MPP7: variants seen among roughly 807,000 people sequenced by gnomAD.
MPP7 encodes the protein MAGUK p55 scaffold protein 7, also known as MAGUK p55 subfamily member 7.
In MPP7, 60 loss-of-function variants were observed where a neutral mutation model predicts 76.5. That is an observed-to-expected ratio of 0.78 (90% CI 0.64 to 0.97). The LOEUF (loss-of-function observed/expected upper bound fraction) is 0.97, where lower values mean the gene tolerates loss of function less well. Among genes scored for constraint, MPP7 ranks in the 50% least tolerant of loss-of-function variants. MPP7 has a pLI of 0.00. For missense variants in MPP7, 641 were observed against 694.0 expected (o/e 0.92, Z 0.86); for synonymous variants, 237 against 244.5 (o/e 0.97, Z 0.29).
intron 5 of MPP7, among the ~76,000 whole-genome samples, chr10:28,139,718 T>C (rs1835452892): frequency 6.6e-6 from 1 of 152,226 alleles, no homozygotes; most frequent in South Asian, 2.1e-4. Flanking sequence ...AGACTTCGTA[T>C]TGTTGGCTTA....
intron 13 of MPP7, among the ~76,000 whole-genome samples, chr10:28,063,661 G>A (rs544210880): frequency 8.7e-4 from 132 of 152,070 alleles, no homozygotes; most frequent in Non-Finnish European, 1.7e-3. Context: ...TGCACAAACC[G>A]AATTGTGGAC....
intron 13 of MPP7, among the ~76,000 whole-genome samples, chr10:28,062,168 T>A (rs1311319812): frequency 2.6e-5 from 4 of 152,180 alleles, no homozygotes; most frequent in Non-Finnish European, 5.9e-5. Flanking sequence ...TAATATTGTC[T>A]GATAGTTTTC....
chr10:28,141,890 T>C (rs1323979763), intron 5 of MPP7, among the ~76,000 whole-genome samples: 2 of 151,900 alleles, frequency 1.3e-5, no homozygotes, highest in African/African-American at 4.8e-5. Context: ...ATAACCAAAT[T>C]AACAGCAATC....
At chr10:28,083,700 G>A (rs994792080) in intron 12 of MPP7, among the ~76,000 whole-genome samples, 1 of 151,844 alleles carries the variant, frequency 6.6e-6, no homozygotes, top group Non-Finnish European at 1.5e-5. Flanking sequence ...ACCACACCTG[G>A]CTAATTTTTG....
intron 12 of MPP7, among the ~76,000 whole-genome samples, chr10:28,074,066 C>T (rs1852368353): frequency 6.6e-6 from 1 of 152,140 alleles, no homozygotes; most frequent in African/African-American, 2.4e-5. Flanking sequence ...CAGATAGAGG[C>T]ACCATGAGGG....
At chr10:28,328,373 G>A (rs1190281825) in intron 2 of MPP7, among the ~76,000 whole-genome samples, 2 of 152,048 alleles carry the variant, frequency 1.3e-5, no homozygotes, top group Admixed American at 6.6e-5. Flanking sequence ...ATATGGCAAG[G>A]ATGAGATTAA....
At chr10:28,096,088 A>G (rs1476982671) in intron 11 of MPP7, among the ~76,000 whole-genome samples, 1 of 152,338 alleles carries the variant, frequency 6.6e-6, no homozygotes, top group South Asian at 2.1e-4. Context: ...CTTTGGTGAA[A>G]GTTAAAAATT....
At chr10:28,232,492 A>G (rs1838922068) in intron 2 of MPP7, among the ~76,000 whole-genome samples, 1 of 152,222 alleles carries the variant, frequency 6.6e-6, no homozygotes, top group Non-Finnish European at 1.5e-5. Flanking sequence ...CCAAAAATAT[A>G]GAAGAAAAAG....
intron 8 of MPP7, 137 bp downstream of exon 8, chr10:28,123,894 G>C: frequency 3.2e-6 from 2 of 620,254 alleles, no homozygotes; most frequent in Non-Finnish European, 5.7e-6. Flanking sequence ...TATTTTCCAA[G>C]AACACACAGG....
At chr10:28,103,066 T>C (rs544752498) in intron 11 of MPP7, among the ~76,000 whole-genome samples, 5 of 152,342 alleles carry the variant, frequency 3.3e-5, no homozygotes, top group African/African-American at 1.2e-4. Context: ...TCTTGACCCA[T>C]CTTTAGGGCC....
intron 11 of MPP7, among the ~76,000 whole-genome samples, chr10:28,103,853 G>A (rs1294921151): frequency 6.6e-6 from 1 of 152,106 alleles, no homozygotes; most frequent in Non-Finnish European, 1.5e-5. Flanking sequence ...GAAGCCATAG[G>A]AATGGGGAGG....
chr10:28,165,333 G>GT (rs2133840326), intron 3 of MPP7, among the ~76,000 whole-genome samples: 1 of 152,192 alleles, frequency 6.6e-6, no homozygotes, highest in South Asian at 2.1e-4. Context: ...ATCAGCCTGG[G>GT]TAACAGAGTG....
chr10:28,099,182 A>G (rs998129714), intron 11 of MPP7, among the ~76,000 whole-genome samples: 4 of 152,168 alleles, frequency 2.6e-5, no homozygotes, highest in African/African-American at 7.2e-5. Context: ...AGCAAAGTCA[A>G]GATAACTCAC....
chr10:28,246,261 A>C (rs1167975818), intron 1 of MPP7, among the ~76,000 whole-genome samples: 1 of 152,208 alleles, frequency 6.6e-6, no homozygotes, highest in African/African-American at 2.4e-5. Flanking sequence ...TGAATTTCTC[A>C]GCAGAAATTT....
chr10:28,202,205 AG>A lies in MPP7; in HGVS notation c.103del (p.Leu35Ter). On this transcript the variant is annotated frameshift_variant, in exon 3 of 17. Coordinates refer to ENST00000683449, the MANE Select transcript of MPP7 (RefSeq NM_001318170.2). LOFTEE classifies it high-confidence loss of function. ...ACCAAACATATCCCAGAGGAAGGTC[AG>A]GTCTTCCTGGCTATCCACATGTGGC... Reference protein sequence around the residue: ...LQPHVDSQEDLTFLWDMFGEK... With the variant: ...LQPHVDSQEDXTFLWDMFGEK... The A allele has an allele frequency of 6.2e-7, 1 of 1,613,842 alleles. No homozygotes were observed. Among genetic ancestry groups the A allele is most frequent in the Non-Finnish European group, 8.5e-7 (1 of 1,179,756 alleles).
intron 1 of MPP7, among the ~76,000 whole-genome samples, chr10:28,245,406 A>T (rs1839400811): frequency 1.3e-5 from 2 of 152,068 alleles, no homozygotes; most frequent in African/African-American, 4.8e-5. Context: ...GTCCCTAAAA[A>T]CTGAATAATG....
At chr10:28,125,952 C>T (rs753987828) in intron 6 of MPP7, among the ~76,000 whole-genome samples, 10 of 152,262 alleles carry the variant, frequency 6.6e-5, no homozygotes, top group Non-Finnish European at 1.3e-4. Context: ...CAAAGCCATC[C>T]AACATTGCAT....
intron 11 of MPP7, among the ~76,000 whole-genome samples, chr10:28,107,901 G>T (rs2801849): frequency 1.3e-5 from 2 of 151,936 alleles, no homozygotes; most frequent in African/African-American, 4.8e-5. Flanking sequence ...TGGATGTACC[G>T]GGTATCTGGC....
chr10:28,234,117 A>G (rs183831679), intron 2 of MPP7, among the ~76,000 whole-genome samples: 1 of 152,326 alleles, frequency 6.6e-6, no homozygotes, highest in East Asian at 1.9e-4. Context: ...AGAAATGTCT[A>G]CTTCTAGGAC....
Sources: allele counts gnomAD v4.1 joint callset (sites outside exome capture counted in the v4.1 genomes callset), GRCh38; gene constraint gnomAD v4.1.1; transcripts MANE v1.5; gene names NCBI Gene and HGNC (gene_info 2026-07-23, HGNC 2026-07-21).